UBE2V2: variants seen among roughly 807,000 people sequenced by gnomAD.
UBE2V2 encodes the protein ubiquitin-conjugating enzyme E2 variant 2.
UBE2V2 carries 9 observed loss-of-function variants against 17.2 expected under a neutral mutation model. That is an observed-to-expected ratio of 0.52 (90% confidence interval 0.32 to 0.91). UBE2V2 has a LOEUF of 0.91. Among genes scored for constraint, UBE2V2 ranks in the 40% least tolerant of loss-of-function variants. The pLI is 0.04. For synonymous variants in UBE2V2, 61 were observed against 57.5 expected, an observed-to-expected ratio of 1.06 and a Z score of -0.28; for missense variants, 133 against 182.6, an observed-to-expected ratio of 0.73 and a Z score of 1.56.
At position 48,050,193 on chromosome 8, in the gene UBE2V2, A is replaced by T. The variant is rs547723240; in HGVS notation, c.291+215A>T. On this transcript the variant is annotated intron_variant, in intron 3 of 3. Transcript: ENST00000523111. ...AGGCCATCCTTAAAAACCTTAATGT[A>T]CTTGCCTAGAATAGATGCATGTGGT... 10 of 328,328 alleles carry T rather than the reference A, an allele frequency of 3.0e-5. No homozygotes were observed. The Admixed American group carries it at 4.8e-4, about 16-fold the overall frequency. 20.3% of individuals were successfully genotyped at this position (328,328 alleles called of 1,614,324 possible). A position where few individuals can be genotyped will look rare whatever the true frequency, so the allele number is the denominator to read the frequency against.
chr8:48,035,155 G>C, intron 1 of UBE2V2: 1 of 953,818 alleles, frequency 1.0e-6, no homozygotes, highest in Non-Finnish European at 1.2e-6. Flanking sequence ...TCACTCTGTC[G>C]CCGAGGCTGT....
chr8:48,034,948 CA>C, intron 1 of UBE2V2: 8 of 907,906 alleles, frequency 8.8e-6, no homozygotes, highest in Non-Finnish European at 1.1e-5. Flanking sequence ...GCAGCCTCTC[CA>C]GGTGGCCAGT....
chr8:48,008,741 GCGGGCGCGGGTCCGAGTTGTA>G (rs1364046141), intron 1 of UBE2V2, among the ~76,000 whole-genome samples: 5 of 151,292 alleles, frequency 3.3e-5, no homozygotes, highest in Admixed American at 3.3e-4. Context: ...GTAGGTTCCG[GCGGGCGCGGGTCCGAGTTGTA>G]GGCTGAAGGC....
intron 1 of UBE2V2, among the ~76,000 whole-genome samples, chr8:48,021,331 G>A (rs1343238178): frequency 6.9e-6 from 1 of 145,210 alleles, no homozygotes; most frequent in African/African-American, 2.6e-5. Flanking sequence ...TTTTGAGACG[G>A]AGTCTCGCTC....
At chr8:47,997,665 G>A in the UBE2V2 span, among the ~76,000 whole-genome samples, 4 of 152,196 alleles carry the variant, frequency 2.6e-5, no homozygotes, top group African/African-American at 7.2e-5. Context: ...AAAAGGGGAC[G>A]TGGACACAGA....
At chr8:48,056,830 T>C (rs2091574985) in intron 3 of UBE2V2, among the ~76,000 whole-genome samples, 1 of 152,136 alleles carries the variant, frequency 6.6e-6, no homozygotes, top group Non-Finnish European at 1.5e-5. Context: ...CTCAAGCAGT[T>C]CTCGTGCCTC....
At chr8:48,020,892 G>A (rs1339527466) in intron 1 of UBE2V2, among the ~76,000 whole-genome samples, 1 of 151,224 alleles carries the variant, frequency 6.6e-6, no homozygotes. Context: ...CATGTGCCAC[G>A]ATGCCCAGCT....
Position 48,043,043 on chromosome 8 carries a change from T to G in UBE2V2, c.27T>G (p.Val9=), listed in dbSNP as rs1489725064. Residue 9 remains valine, a synonymous_variant, in exon 2 of 4, where the codon GTT becomes GTG. Coordinates refer to ENST00000523111, the MANE Select transcript of UBE2V2 (RefSeq NM_003350.3). The part of the protein sequence containing the change: MAVSTGVK[V]PRNFRLLEEL... ...CGTTCTTTTGTATAGGAGTTAAAGT[T>G]CCTCGTAATTTTCGCTTGTTGGAAG... The G allele has an allele frequency of 6.4e-7, 1 of 1,566,230 alleles. No individual in the cohort carries two copies.
intron 2 of UBE2V2, among the ~76,000 whole-genome samples, chr8:48,043,818 A>C (rs1589862251): frequency 6.6e-6 from 1 of 150,714 alleles, no homozygotes; most frequent in East Asian, 1.9e-4. Flanking sequence ...TGATTCTTAC[A>C]TTTTTTTCTA....
chr8:48,025,015 A>C (rs1589854144), intron 1 of UBE2V2, among the ~76,000 whole-genome samples: 1 of 149,922 alleles, frequency 6.7e-6, no homozygotes. Context: ...GCTCACTGCA[A>C]CCTCCGCTTC....
intron 1 of UBE2V2, among the ~76,000 whole-genome samples, chr8:48,019,744 G>A (rs2091292340): frequency 6.6e-6 from 1 of 151,770 alleles, no homozygotes; most frequent in Non-Finnish European, 1.5e-5. Context: ...GAACCTGGGA[G>A]GTGGAGGCTG....
At position 48,040,729 on chromosome 8, in the gene UBE2V2, C is replaced by G. The variant is rs151025111; in HGVS notation, c.17-2304C>G. On this transcript the variant is annotated intron_variant, in intron 1 of 3. Transcript: ENST00000523111. ...TCAGCCTCCACCTCCTGGGTTCAAG[C>G]GATTCTGCAGCAGCCTTCCAAGTAG... Among the ~76,000 whole-genome samples the G allele has an allele frequency of 6.9e-3, 1,041 of 151,656 alleles. 9 individuals are homozygous for G. The highest frequency in any genetic ancestry group is 0.025 in the South Asian group (118 of 4,800).
At chr8:48,039,980 T>G (rs1413606079) in intron 1 of UBE2V2, among the ~76,000 whole-genome samples, 2 of 152,084 alleles carry the variant, frequency 1.3e-5, no homozygotes, top group African/African-American at 2.4e-5. Flanking sequence ...TTGGCCTACC[T>G]TTGCCTCCCA....
chr8:48,052,373 T>A (rs1469816739), intron 3 of UBE2V2, among the ~76,000 whole-genome samples: 7 of 152,188 alleles, frequency 4.6e-5, no homozygotes, highest in Non-Finnish European at 1.0e-4. Context: ...GTGTTCTACA[T>A]TGTCATGGAA....
intron 1 of UBE2V2, among the ~76,000 whole-genome samples, chr8:48,027,913 G>A (rs1466119993): frequency 6.6e-6 from 1 of 152,022 alleles, no homozygotes; most frequent in Non-Finnish European, 1.5e-5. Context: ...GAGTGCAATG[G>A]CGCGGTCTTG....
intron 3 of UBE2V2, among the ~76,000 whole-genome samples, chr8:48,055,894 G>T (rs2091568365): frequency 6.6e-6 from 1 of 151,914 alleles, no homozygotes. Flanking sequence ...AAGTAGCTGG[G>T]ACTACAGGCG....
Position 48,060,816 on chromosome 8 carries a change from A to G in UBE2V2, c.426A>G (p.Thr142=), listed in dbSNP as rs1051124580. The change falls in exon 4 of 4, where the codon ACA becomes ACG. Residue 142 remains threonine, a synonymous_variant. Transcript: ENST00000523111. ...TTCCACAGCCACCAGAAGGACAAAC[A>G]TACAACAATTAATTTTAGTGGATCT... ...MKLPQPPEGQ[T]YNN is the part of the protein sequence containing the mutation. 3 of 1,519,588 alleles carry G rather than the reference A, an allele frequency of 2.0e-6. No homozygotes were observed. The highest frequency in any genetic ancestry group is 2.1e-5 in the Admixed American group (1 of 46,754). The allele number at this position is 1,519,588 out of a possible 1,614,324, so 94.1% of individuals were successfully genotyped here. A position where few individuals can be genotyped will look rare whatever the true frequency, so the allele number is the denominator to read the frequency against.
In UBE2V2 at chr8:48,036,899, G is replaced by A. The variant is rs1342450592; in HGVS notation, c.17-6134G>A. The stretch of plus-strand genomic sequence containing the variant: ...ACAGATAGTTAATATATATGAGCTG[G>A]CCAGGCGCGGTGGCTCACGCCTGTA... On this transcript the variant is annotated intron_variant, in intron 1 of 3. Transcript: ENST00000523111. Among the ~76,000 whole-genome samples, 4 of 152,056 alleles carry A rather than the reference G, an allele frequency of 2.6e-5. No homozygotes were observed. In the East Asian group the frequency reaches 5.8e-4, roughly 22 times the overall value.
Position 48,028,340 on chromosome 8 carries a change from T to G in UBE2V2, c.17-14693T>G, listed in dbSNP as rs1359430658. On this transcript the variant is annotated intron_variant, in intron 1 of 3. Transcript: ENST00000523111. ...GTGCCACCACACCCGGCTGTTTTCT[T>G]TTTTTTTTTTTTTTTGAGACAGAGT... 4.8e-5 allele frequency among the ~76,000 whole-genome samples: 7 copies of G among 144,788 alleles called. No individual in the cohort carries two copies. In the East Asian group the frequency reaches 1.4e-3, roughly 29 times the overall value. The allele number at this position is 144,788 out of a possible 152,430, so 95.0% of individuals were successfully genotyped here.
Sources: gnomAD v4.1 joint callset for allele counts (sites outside exome capture counted in the v4.1 genomes callset) on GRCh38, gnomAD v4.1.1 for gene constraint, MANE v1.5 for transcripts, NCBI Gene and HGNC (gene_info 2026-07-23, HGNC 2026-07-21) for gene names.